KY: variants seen among roughly 807,000 people sequenced by gnomAD.
KY encodes kyphoscoliosis peptidase.
KY carries 43 observed loss-of-function variants against 76.1 expected under a neutral mutation model. That is an observed-to-expected ratio of 0.57 (90% confidence interval 0.44 to 0.73). KY has a LOEUF of 0.73. Among genes scored for constraint, KY ranks in the 30% least tolerant of loss-of-function variants. The pLI is 0.00. For missense variants in KY, 722 were observed against 828.9 expected, an observed-to-expected ratio of 0.87 and a Z score of 1.58; for synonymous variants, 277 against 326.2, an observed-to-expected ratio of 0.85 and a Z score of 1.63.
chr3:134,638,685 C>A (rs1016159569), intron 3 of KY, among the ~76,000 whole-genome samples: 2 of 152,234 alleles, frequency 1.3e-5, no homozygotes, highest in African/African-American at 4.8e-5. Flanking sequence ...TACAGGCAAG[C>A]ACAAGAATGT....
intron 2 of KY, 92 bp from the exon 3 acceptor site, chr3:134,643,470 G>C: frequency 2.9e-6 from 3 of 1,038,478 alleles, no homozygotes; most frequent in Non-Finnish European, 4.4e-6. Flanking sequence ...GGAAAGGTGG[G>C]CTGGCGGGGG....
intron 6 of KY, among the ~76,000 whole-genome samples, chr3:134,623,333 C>T (rs1474222299): frequency 4.6e-5 from 7 of 152,160 alleles, no homozygotes. Flanking sequence ...CAGACCCCAC[C>T]CACTTTCCTC....
chr3:134,623,699 C>T lies in KY; in HGVS notation c.483+1354G>A, dbSNP rs532527923. On this transcript the variant is annotated intron_variant, in intron 6 of 10. Transcript: ENST00000423778. ...CCCACCTGAGGACTGAGGCCTCCAG[C>T]CCCTGTGCACTGCCCCTCTGGAGGT... 3.9e-5 allele frequency among the ~76,000 whole-genome samples: 6 copies of T among 152,292 alleles called. No individual in the cohort carries two copies. In the South Asian group the frequency reaches 1.0e-3, roughly 26 times the overall value.
At chr3:134,628,602 AT>A (rs1039948455) in intron 4 of KY, among the ~76,000 whole-genome samples, 25 of 152,242 alleles carry the variant, frequency 1.6e-4, no homozygotes, top group African/African-American at 4.6e-4. Flanking sequence ...TCACACCTAC[AT>A]TTTTTTCCCA....
Position 134,629,676 on chromosome 3 carries a change from T to A in KY, c.282A>T (p.Glu94Asp), listed in dbSNP as rs1963963644. 1.3e-6 allele frequency: 2 copies of A among 1,595,628 alleles called. No individual in the cohort carries two copies. The highest frequency in any genetic ancestry group is 2.3e-5 in the South Asian group (2 of 87,576). ...GGGGCATGGCATCTCGAGGGTGGACTTCCACAGTCAGTTGTGTCCCTACAA... is the reference window on the plus strand; with the variant it reads ...GGGGCATGGCATCTCGAGGGTGGACATCCACAGTCAGTTGTGTCCCTACAA... Reference protein sequence around the residue: ...YNSQGTQLTVEVHPRDAMPQL... With the variant: ...YNSQGTQLTVDVHPRDAMPQL... Residue 94 changes from glutamate to aspartate, a missense_variant, in exon 4 of 11, where the codon GAA becomes GAT. This residue lies in a region of KY where 170 missense variants were observed against 148.1 expected (regional missense o/e 1.15). Transcript: ENST00000423778.
chr3:134,607,429 ACCCTGTGCTAATAGT>A (rs1560099924), intron 10 of KY: 11 of 985,486 alleles, frequency 1.1e-5, no homozygotes, highest in Non-Finnish European at 1.3e-5. Flanking sequence ...ACCCACAGGC[ACCCTGTGCTAATAGT>A]CAGTGTGAGC....
intron 6 of KY, among the ~76,000 whole-genome samples, chr3:134,624,732 C>A (rs1229455798): frequency 6.6e-6 from 1 of 152,128 alleles, no homozygotes; most frequent in Non-Finnish European, 1.5e-5. Flanking sequence ...AGCTTAGGAG[C>A]AGAAATGCCA....
chr3:134,613,026 C>T (rs1960814064), intron 8 of KY: 1 of 154,326 alleles, frequency 6.5e-6, no homozygotes. Flanking sequence ...CCATTGCTGC[C>T]TAGAATGTCT....
In KY at chr3:134,602,695, G is replaced by C. The variant is rs1959021107; in HGVS notation, c.*884C>G. ...CTCTGTGGAGGTGGGGCAGGGGCCT[G>C]AGGCCCAGGCTCTGTGAGGGCCTGG... On this transcript the variant is annotated 3_prime_UTR_variant, in exon 11 of 11. Coordinates refer to ENST00000423778, the MANE Select transcript of KY (RefSeq NM_178554.6). Among the ~76,000 whole-genome samples, 1 of 152,186 alleles carries C rather than the reference G, an allele frequency of 6.6e-6. No homozygotes were observed. Among genetic ancestry groups the C allele is most frequent in the Admixed American group, 6.5e-5 (1 of 15,294 alleles).
At position 134,650,965 on chromosome 3, in the gene KY, C is replaced by T. The variant is rs1966883418; in HGVS notation, c.-5G>A. 1.2e-6 allele frequency: 2 copies of T among 1,613,076 alleles called. No individual in the cohort carries two copies. The highest frequency in any genetic ancestry group is 1.7e-6 in the Non-Finnish European group (2 of 1,179,418). On this transcript the variant is annotated 5_prime_UTR_variant, in exon 1 of 11. Coordinates refer to ENST00000423778, the MANE Select transcript of KY (RefSeq NM_178554.6). ...GATGTCCTTCTTCAGCTCCATGATG[C>T]CGCCTCCTTTCCGACCTGGGCGCCG...
rs2107717229 is a variant in KY at position 134,600,604 on chromosome 3, C to G, written c.*2975G>C. ...TGCCTCTGCCCACCACTCCTCCACCCTCGGTTCCCTTCTGCCCTGTGGCCT... is the reference window on the plus strand; with the variant it reads ...TGCCTCTGCCCACCACTCCTCCACCGTCGGTTCCCTTCTGCCCTGTGGCCT... On this transcript the variant is annotated 3_prime_UTR_variant, in exon 11 of 11. Coordinates refer to ENST00000423778, the MANE Select transcript of KY (RefSeq NM_178554.6). 6.6e-6 allele frequency among the ~76,000 whole-genome samples: 1 copy of G among 152,280 alleles called. No homozygotes were observed. The highest frequency in any genetic ancestry group is 2.4e-5 in the African/African-American group (1 of 41,558).
At chr3:134,637,255 G>T (rs1282491542) in intron 3 of KY, among the ~76,000 whole-genome samples, 2 of 152,228 alleles carry the variant, frequency 1.3e-5, no homozygotes, top group African/African-American at 4.8e-5. Context: ...GTAGGACTGG[G>T]TGCTATCGCC....
At chr3:134,607,911 C>T (rs536276089) in intron 10 of KY, 5 of 991,510 alleles carry the variant, frequency 5.0e-6, no homozygotes, top group South Asian at 9.2e-5. Flanking sequence ...TCCAGGGGTG[C>T]CTGAGTTTGG....
In KY at chr3:134,602,011, T is replaced by C. The variant is rs894846560; in HGVS notation, c.*1568A>G. Among the ~76,000 whole-genome samples, 1 of 151,484 alleles carries C rather than the reference T, an allele frequency of 6.6e-6. No individual in the cohort carries two copies. Among genetic ancestry groups the C allele is most frequent in the Non-Finnish European group, 1.5e-5 (1 of 67,890 alleles). ...TGTGAGCATTTGTTGGATACAGGGA[T>C]GTGAGGGTGAGTGCCACGGAGGAAG... On this transcript the variant is annotated 3_prime_UTR_variant, in exon 11 of 11. Coordinates refer to ENST00000423778, the MANE Select transcript of KY (RefSeq NM_178554.6).
At chr3:134,630,603 A>C (rs919123341) in intron 3 of KY, among the ~76,000 whole-genome samples, 1 of 152,234 alleles carries the variant, frequency 6.6e-6, no homozygotes. Flanking sequence ...GTGCATGCAT[A>C]GATCTCATCC....
chr3:134,644,764 T>A (rs1966237116), intron 2 of KY, among the ~76,000 whole-genome samples: 1 of 152,208 alleles, frequency 6.6e-6, no homozygotes, highest in Non-Finnish European at 1.5e-5. Flanking sequence ...GGTGAGGTAC[T>A]GAGCCAGGCT....
intron 9 of KY, 91 bp downstream of exon 9, chr3:134,610,104 C>G: frequency 7.2e-7 from 1 of 1,393,990 alleles, no homozygotes; most frequent in Non-Finnish European, 9.9e-7. Flanking sequence ...TCCCCTCCCG[C>G]TTGGTCTTCT....
At position 134,603,975 on chromosome 3, in the gene KY, T is replaced by G; in HGVS notation, c.1590A>C (p.Ala530=). ...CAAAGATCTTGAGGGCAAACTTGCCTGCATGGGGCAGCTGGACTTTCAGCT... is the reference window on the plus strand; with the variant it reads ...CAAAGATCTTGAGGGCAAACTTGCCGGCATGGGGCAGCTGGACTTTCAGCT... The part of the protein sequence containing the change: ...QTELKVQLPH[A]GKFALKIFVK... Residue 530 remains alanine (A), a synonymous_variant, in exon 11 of 11, where the codon GCA becomes GCC. Transcript: ENST00000423778. 6.2e-7 allele frequency: 1 copy of G among 1,613,946 alleles called. No homozygotes were observed. The highest frequency in any genetic ancestry group is 8.5e-7 in the Non-Finnish European group (1 of 1,179,820).
intron 3 of KY, among the ~76,000 whole-genome samples, chr3:134,633,162 T>C (rs1179387246): frequency 5.3e-5 from 8 of 152,052 alleles, no homozygotes; most frequent in Admixed American, 5.2e-4. Context: ...GCTTCAGTGG[T>C]AAATTCTAAC....
Sources: allele counts gnomAD v4.1 joint callset (sites outside exome capture counted in the v4.1 genomes callset), GRCh38; gene constraint gnomAD v4.1.1; regional missense constraint gnomAD v4.1.1; transcripts MANE v1.5; gene names NCBI Gene and HGNC (gene_info 2026-07-23, HGNC 2026-07-21).